Variants in DYSF observed in about 807,000 individuals in gnomAD.
The protein encoded by DYSF is dysferlin.
A neutral mutation model predicts 274.9 loss-of-function variants in DYSF; 212 were observed. That is an observed-to-expected ratio of 0.77 (90% CI 0.69 to 0.86). The LOEUF is 0.86. DYSF is among the 40% of genes least tolerant of loss of function. The pLI is 0.00. For missense variants in DYSF, 2,666 were observed against 2,783.2 expected, an observed-to-expected ratio of 0.96 and a Z score of 0.95; for synonymous variants, 1,091 against 1,078.7, an observed-to-expected ratio of 1.01 and a Z score of -0.22.
chr2:71,547,528 G>A (rs1354973160), intron 17 of DYSF, among the ~76,000 whole-genome samples: 2 of 152,208 alleles, frequency 1.3e-5, no homozygotes, highest in African/African-American at 2.4e-5. Flanking sequence ...TGGAATCATA[G>A]CTACTTGGGA....
chr2:71,475,351 G>A (rs1276388555), intron 1 of DYSF, among the ~76,000 whole-genome samples: 1 of 152,174 alleles, frequency 6.6e-6, no homozygotes, highest in Non-Finnish European at 1.5e-5. Context: ...TGGCCACCTC[G>A]CTATAGACTA....
In DYSF at chr2:71,681,118, C is replaced by T; in HGVS notation, c.6173+8C>T. ...TAAGCTTGAGGACCCAAGGTCAGTGCCCAGCCCCTGAGCCCCAATGCCCAC... is the reference window on the plus strand; with the variant it reads ...TAAGCTTGAGGACCCAAGGTCAGTGTCCAGCCCCTGAGCCCCAATGCCCAC... On this transcript the variant is annotated splice_region_variant and intron_variant, in intron 54 of 55. Transcript: ENST00000410020. The T allele has an allele frequency of 6.2e-7, 1 of 1,612,756 alleles. No homozygotes were observed. Among genetic ancestry groups the T allele is most frequent in the Non-Finnish European group, 8.5e-7 (1 of 1,179,260 alleles).
chr2:71,514,919 A>G (rs1390652727), intron 7 of DYSF, among the ~76,000 whole-genome samples: 1 of 152,104 alleles, frequency 6.6e-6, no homozygotes, highest in Non-Finnish European at 1.5e-5. Flanking sequence ...AAAATCACTC[A>G]TCCATCTTCC....
At chr2:71,585,743 G>C (rs773944629) in intron 30 of DYSF, among the ~76,000 whole-genome samples, 1 of 152,190 alleles carries the variant, frequency 6.6e-6, no homozygotes, top group African/African-American at 2.4e-5. Flanking sequence ...CCTGCTGCCT[G>C]TGAGGTGCTC....
chr2:71,571,635 C>T (rs536931639), intron 29 of DYSF, among the ~76,000 whole-genome samples: 14 of 124,158 alleles, frequency 1.1e-4, no homozygotes, highest in African/African-American at 4.2e-4. Flanking sequence ...TCACACCCAG[C>T]ACATGCAGAG....
chr2:71,604,077 G>C (rs1253228576), intron 36 of DYSF, among the ~76,000 whole-genome samples: 1 of 152,148 alleles, frequency 6.6e-6, no homozygotes, highest in Admixed American at 6.5e-5. Context: ...AGTCCTAGGA[G>C]TGTGCTAGGC....
At chr2:71,680,963 C>T (rs376695067) in intron 53 of DYSF, 38 bp from the exon 54 acceptor site, 4 of 1,589,270 alleles carry the variant, frequency 2.5e-6, no homozygotes, top group Non-Finnish European at 3.5e-6. Context: ...CTGAGCAGAG[C>T]CTTCGTGCCC....
Position 71,650,890 on chromosome 2 carries a change from T to C in DYSF, c.4627-5272T>C, listed in dbSNP as rs111985597. Among the ~76,000 whole-genome samples the C allele has an allele frequency of 5.3e-5, 8 of 152,268 alleles. 1 individual carries two copies. Among genetic ancestry groups the C allele is most frequent in the African/African-American group, 1.9e-4 (8 of 41,560 alleles). On this transcript the variant is annotated intron_variant, in intron 42 of 55. Coordinates refer to ENST00000410020, the MANE Select transcript of DYSF (RefSeq NM_001130987.2). ...TAGTTAAAGCAGCGTTCAGAGGGAA[T>C]TTGTGGCCTTAAGAAATTATGTTAA...
intron 12 of DYSF, 133 bp from the exon 13 acceptor site, chr2:71,526,087 G>C (rs1559078705): frequency 6.6e-7 from 1 of 1,517,996 alleles, no homozygotes; most frequent in Non-Finnish European, 9.1e-7. Context: ...CCACGCGGTA[G>C]TAAGTGTCGG....
intron 4 of DYSF, among the ~76,000 whole-genome samples, chr2:71,503,528 C>T (rs896868771): frequency 2.0e-5 from 3 of 152,164 alleles, no homozygotes; most frequent in African/African-American, 7.2e-5. Flanking sequence ...ACCCCACCTG[C>T]AGGGCTCAAG....
chr2:71,663,862 A>G lies in DYSF; in HGVS notation c.5004-406A>G, dbSNP rs572223430. 2.4e-4 allele frequency among the ~76,000 whole-genome samples: 37 copies of G among 151,986 alleles called. No homozygotes were observed. The South Asian group carries it at 5.6e-3, about 23-fold the overall frequency. On this transcript the variant is annotated intron_variant, in intron 45 of 55. Transcript: ENST00000410020. ...GTCGTCGGTAAATTGGAGTCCCCCA[A>G]TTTACCGGGAGTCCTCCCTGGACTG... is the stretch of plus-strand genomic sequence containing the variant.
intron 20 of DYSF, 55 bp from the exon 21 acceptor site, chr2:71,553,752 A>ACCCCCCCC: frequency 1.9e-5 from 5 of 267,798 alleles, no homozygotes; most frequent in Admixed American, 1.0e-4. Context: ...TTAGCACCCC[A>ACCCCCCCC]TCCCACCCGC....
intron 17 of DYSF, among the ~76,000 whole-genome samples, chr2:71,543,350 G>A (rs1408188535): frequency 4.6e-5 from 7 of 151,578 alleles, no homozygotes; most frequent in African/African-American, 1.7e-4. Context: ...GATGGCGGCC[G>A]GGAAGAGACG....
At chr2:71,601,395 A>T in intron 34 of DYSF, 104 bp from the exon 35 acceptor site, 3 of 1,490,902 alleles carry the variant, frequency 2.0e-6, no homozygotes, top group Non-Finnish European at 2.8e-6. Context: ...AGAGGCTGCA[A>T]ACCATGGACT....
Position 71,515,821 on chromosome 2 carries a change from C to T in DYSF, c.888+70C>T. ...CAATCTGGAAGCCCAGTGCAGACAC[C>T]TGGCAATTCATTCAAGAGTGTTTAC... On this transcript the variant is annotated intron_variant, in intron 8 of 55. Transcript: ENST00000410020. 4 of 1,603,884 alleles carry T rather than the reference C, an allele frequency of 2.5e-6. No homozygotes were observed. The East Asian group carries it at 6.7e-5, about 27-fold the overall frequency.
chr2:71,634,289 A>G (rs1350463643), intron 41 of DYSF, among the ~76,000 whole-genome samples: 1 of 152,226 alleles, frequency 6.6e-6, no homozygotes, highest in Non-Finnish European at 1.5e-5. Flanking sequence ...ATGCTTAGCT[A>G]TTGCAAAATG....
At chr2:71,662,725 A>G (rs1227248411) in intron 45 of DYSF, among the ~76,000 whole-genome samples, 6 of 136,660 alleles carry the variant, frequency 4.4e-5, no homozygotes, top group Non-Finnish European at 7.8e-5. Context: ...ATGTGTGTGT[A>G]TGTGTATTTG....
At chr2:71,635,538 A>G (rs1383011678) in intron 41 of DYSF, among the ~76,000 whole-genome samples, 3 of 152,170 alleles carry the variant, frequency 2.0e-5, no homozygotes, top group Admixed American at 2.0e-4. Flanking sequence ...ATGTGAGGCC[A>G]GGAGTTTGAA....
chr2:71,556,057 C>A lies in DYSF; in HGVS notation c.2202C>A (p.Leu734=). 6.4e-7 allele frequency: 1 copy of A among 1,572,954 alleles called. No individual in the cohort carries two copies. The highest frequency in any genetic ancestry group is 1.2e-5 in the South Asian group (1 of 85,458). The change falls in exon 22 of 56, where the codon CTC becomes CTA. Residue 734 remains leucine (L), a synonymous_variant. Coordinates refer to ENST00000410020, the MANE Select transcript of DYSF (RefSeq NM_001130987.2). ...TGGTGGCTCAGCTGACGGATGAGCT[C>A]ATCGCAGGCTGCAGGTAGGGGGGAC... is the stretch of plus-strand genomic sequence containing the variant. The part of the protein sequence containing the change: ...DSLVAQLTDE[L]IAGCSQPLGD...
Sources: gnomAD v4.1 joint callset for allele counts (sites outside exome capture counted in the v4.1 genomes callset) on GRCh38, gnomAD v4.1.1 for gene constraint, MANE v1.5 for transcripts, NCBI Gene and HGNC (gene_info 2026-07-23, HGNC 2026-07-21) for gene names.